THADA: variants seen among roughly 807,000 people sequenced by gnomAD.
The protein encoded by THADA is tRNA (32-2'-O)-methyltransferase regulator THADA.
A neutral mutation model predicts 219.8 loss-of-function variants in THADA; 213 were observed. The observed-to-expected ratio is 0.97, with a 90% CI of 0.87 to 1.09. The LOEUF (loss-of-function observed/expected upper bound fraction) is 1.09. Among genes scored for constraint, THADA ranks in the 50% least tolerant of loss-of-function variants. THADA has a pLI of 0.00. For missense variants in THADA, 2,956 were observed against 2,311.3 expected (o/e 1.28, Z -5.72); for synonymous variants, 1,018 against 828.9 (o/e 1.23, Z -3.92).
intron 31 of THADA, among the ~76,000 whole-genome samples, chr2:43,319,856 CAA>C (rs1472387627): frequency 6.6e-6 from 1 of 151,920 alleles, no homozygotes; most frequent in South Asian, 2.1e-4. Flanking sequence ...ATAAACACAT[CAA>C]AAAAATTTTA....
At chr2:43,389,714 T>C (rs1673121520) in intron 29 of THADA, among the ~76,000 whole-genome samples, 2 of 152,186 alleles carry the variant, frequency 1.3e-5, no homozygotes, top group Admixed American at 6.5e-5. Context: ...CCCTCCTCCA[T>C]GCCTGGGCTC....
chr2:43,518,482 A>G (rs1016826468), intron 22 of THADA, among the ~76,000 whole-genome samples: 3 of 152,174 alleles, frequency 2.0e-5, no homozygotes, highest in Admixed American at 2.0e-4. Flanking sequence ...AATCAACTCT[A>G]TTAACCTAAC....
At chr2:43,384,796 T>C (rs1226246716) in intron 29 of THADA, among the ~76,000 whole-genome samples, 1 of 152,024 alleles carries the variant, frequency 6.6e-6, no homozygotes. Flanking sequence ...TGTGACTCTA[T>C]CTCTACAAAA....
chr2:43,250,589 G>A lies in THADA; in HGVS notation c.5297-17707C>T, dbSNP rs113766905. ...AAACATGAAAAAAGAAAGGGGCTGG[G>A]CATGGTGGCTCACACCCGTAATCCC... On this transcript the variant is annotated intron_variant, in intron 36 of 37. Coordinates refer to ENST00000405975, the MANE Select transcript of THADA (RefSeq NM_022065.5). Among the ~76,000 whole-genome samples, 977 of 152,222 alleles carry A rather than the reference G, an allele frequency of 6.4e-3. 15 individuals are homozygous for A. Among genetic ancestry groups the A allele is most frequent in the African/African-American group, 0.022 (927 of 41,524 alleles).
chr2:43,310,825 C>G (rs961409091), intron 31 of THADA, among the ~76,000 whole-genome samples: 3 of 152,188 alleles, frequency 2.0e-5, no homozygotes, highest in African/African-American at 7.2e-5. Flanking sequence ...AACTGTGTGT[C>G]TTATAAGGGA....
chr2:43,319,704 C>T (rs1193372765), intron 31 of THADA, among the ~76,000 whole-genome samples: 2 of 152,190 alleles, frequency 1.3e-5, no homozygotes, highest in African/African-American at 2.4e-5. Flanking sequence ...TTCTAGCCTC[C>T]TTTAGACAGG....
intron 26 of THADA, among the ~76,000 whole-genome samples, chr2:43,478,149 T>C (rs1432613888): frequency 6.6e-6 from 1 of 152,214 alleles, no homozygotes; most frequent in Admixed American, 6.5e-5. Flanking sequence ...CTTTTGTATA[T>C]ACCAGGATGC....
intron 22 of THADA, among the ~76,000 whole-genome samples, chr2:43,520,895 C>A (rs138410235): frequency 7.9e-6 from 1 of 125,964 alleles, no homozygotes; most frequent in Non-Finnish European, 1.6e-5. Flanking sequence ...AGTAGAAATT[C>A]TTAAAGAAGG....
chr2:43,582,675 T>G (rs1700587029), intron 7 of THADA, among the ~76,000 whole-genome samples: 1 of 148,484 alleles, frequency 6.7e-6, no homozygotes, highest in African/African-American at 2.5e-5. Context: ...GTTCAAGCGA[T>G]TCTCCTGCCT....
intron 21 of THADA, among the ~76,000 whole-genome samples, chr2:43,537,569 G>A (rs1479247697): frequency 6.6e-6 from 1 of 152,190 alleles, no homozygotes; most frequent in African/African-American, 2.4e-5. Context: ...TATCCCATTT[G>A]TAGTTCATTA....
In THADA at chr2:43,570,503, C is replaced by A. The variant is rs1490220948; in HGVS notation, c.2072G>T (p.Cys691Phe). ...TACCTGAGAACTTTCCTGTATCCTA[C>A]AAAACAACTTTTGAAACAAAGGAAA... ...QICSLLKKLF[C>F]RIQESSQVLY... The change falls in exon 14 of 38, where the codon TGT becomes TTT. Residue 691 changes from cysteine (C) to phenylalanine (F), a missense_variant. Physicochemically the swap from Cys to Phe is radical, Grantham distance 205. Transcript: ENST00000405975. 1 of 1,605,172 alleles carries A rather than the reference C, an allele frequency of 6.2e-7. No homozygotes were observed. The highest frequency in any genetic ancestry group is 1.7e-4 in the Middle Eastern group (1 of 6,024).
intron 30 of THADA, among the ~76,000 whole-genome samples, chr2:43,325,081 C>A (rs556454995): frequency 4.6e-5 from 7 of 152,282 alleles, no homozygotes; most frequent in Non-Finnish European, 1.0e-4. Flanking sequence ...CACTTAAGAA[C>A]TTGATTAATA....
At chr2:43,280,009 T>C (rs1445789512) in intron 35 of THADA, 113 bp from the exon 36 acceptor site, 1 of 1,060,300 alleles carries the variant, frequency 9.4e-7, no homozygotes, top group Non-Finnish European at 1.3e-6. Flanking sequence ...TACAGCTATC[T>C]CTTTTTTTCT....
chr2:43,541,256 C>G lies in THADA; in HGVS notation c.3167G>C (p.Ser1056Thr). The G allele has an allele frequency of 6.2e-7, 1 of 1,612,856 alleles. No individual in the cohort carries two copies. Among genetic ancestry groups the G allele is most frequent in the Non-Finnish European group, 8.5e-7 (1 of 1,179,430 alleles). ...AQMVLVCCWR[S>T]MKEVALLLGM... Reference sequence around the variant, plus strand: ...TAAAAGTAAAGCAACTTCCTTCATACTTCTCCAACAACATACCAGCACCAT... The same window carrying G: ...TAAAAGTAAAGCAACTTCCTTCATAGTTCTCCAACAACATACCAGCACCAT... The change falls in exon 21 of 38, where the codon AGT (serine) becomes ACT (threonine). Residue 1056 changes from serine (S) to threonine (T), a missense_variant. By Grantham distance (58) the Ser-to-Thr change is moderately conservative (BLOSUM62 1). Coordinates refer to ENST00000405975, the MANE Select transcript of THADA (RefSeq NM_022065.5).
Position 43,581,903 on chromosome 2 carries a change from G to A in THADA, c.559C>T (p.Gln187Ter), listed in dbSNP as rs573213556. The change falls in exon 8 of 38, where the codon CAA (glutamine) becomes TAA (stop). Residue 187 changes from glutamine to a stop codon, truncating the protein, a stop_gained. Coordinates refer to ENST00000405975, the MANE Select transcript of THADA (RefSeq NM_022065.5). LOFTEE classifies it high-confidence loss of function. Reference protein sequence around the residue: ...NRKCAGNHIIQTQLMNDLLVG... With the variant: ...NRKCAGNHII Reference sequence around the variant, plus strand: ...AGTAAGTCATTCATCAACTGTGTTTGAATAATATGATTTCCAGCACATTTT... The same window carrying A: ...AGTAAGTCATTCATCAACTGTGTTTAAATAATATGATTTCCAGCACATTTT... The A allele has an allele frequency of 6.4e-7, 1 of 1,550,438 alleles. No individual in the cohort carries two copies. The highest frequency in any genetic ancestry group is 8.7e-7 in the Non-Finnish European group (1 of 1,154,262).
chr2:43,374,468 G>A (rs191352949), intron 29 of THADA, among the ~76,000 whole-genome samples: 2 of 152,290 alleles, frequency 1.3e-5, no homozygotes, highest in East Asian at 3.9e-4. Flanking sequence ...CCCAGAGTTA[G>A]TGCAATAGAA....
At chr2:43,485,965 T>A (rs185544237) in intron 25 of THADA, among the ~76,000 whole-genome samples, 85 of 152,230 alleles carry the variant, frequency 5.6e-4, no homozygotes, top group African/African-American at 1.8e-3. Flanking sequence ...ATGCCTATAG[T>A]CCCAGGTAGT....
chr2:43,304,587 A>G (rs566143679), intron 31 of THADA, among the ~76,000 whole-genome samples: 36 of 152,314 alleles, frequency 2.4e-4, no homozygotes, highest in Non-Finnish European at 4.3e-4. Context: ...TAACTGTTCT[A>G]AAGTTTTCTC....
At chr2:43,503,104 T>TA (rs1159925936) in intron 24 of THADA, among the ~76,000 whole-genome samples, 1 of 152,222 alleles carries the variant, frequency 6.6e-6, no homozygotes, top group Non-Finnish European at 1.5e-5. Context: ...TGGAAACTCT[T>TA]ATACTCTGCT....
Sources: allele counts gnomAD v4.1 joint callset (sites outside exome capture counted in the v4.1 genomes callset), GRCh38; gene constraint gnomAD v4.1.1; transcripts MANE v1.5; gene names NCBI Gene and HGNC (gene_info 2026-07-23, HGNC 2026-07-21).